RAPGEF3: variants seen among roughly 807,000 people sequenced by gnomAD.
The protein encoded by RAPGEF3 is 9330170P05Rik.
A neutral mutation model predicts 129.8 loss-of-function variants in RAPGEF3; 103 were observed. The ratio of observed to expected loss-of-function variants is 0.79; its 90% CI spans 0.68 to 0.93. RAPGEF3 has a LOEUF of 0.93. Ranked by LOEUF, RAPGEF3 falls within the 40% of genes least tolerant of loss-of-function variation. The pLI, the probability that RAPGEF3 is intolerant of heterozygous loss-of-function variation, is 0.00. For synonymous variants in RAPGEF3, 436 were observed against 482.6 expected (o/e 0.90, Z 1.26); for missense variants, 1,117 against 1,207.4 (o/e 0.93, Z 1.11).
At chr12:47,751,893 C>T (rs770332444) in intron 3 of RAPGEF3, 23 bp downstream of exon 3, 2 of 1,614,018 alleles carry the variant, frequency 1.2e-6, no homozygotes, top group African/African-American at 2.7e-5. Flanking sequence ...CCTGTCCCAG[C>T]TCCACCCTGC....
chr12:47,740,010 G>T (rs1413124509), intron 23 of RAPGEF3, 131 bp downstream of exon 23: 2 of 1,187,560 alleles, frequency 1.7e-6, no homozygotes, highest in Non-Finnish European at 1.2e-6. Context: ...CTGGGCCGAG[G>T]TTGGGAACCC....
At chr12:47,739,341 A>G (rs1363838541) in intron 23 of RAPGEF3, 111 bp from the exon 24 acceptor site, 2 of 837,578 alleles carry the variant, frequency 2.4e-6, no homozygotes, top group South Asian at 1.4e-5. Context: ...AGAGGCCCCA[A>G]CTCAGCCTCT....
At chr12:47,738,999 AT>A in intron 24 of RAPGEF3, 143 bp downstream of exon 24, 1 of 759,072 alleles carries the variant, frequency 1.3e-6, no homozygotes. Context: ...TCCCTGAGGC[AT>A]CAGCACTTGA....
At chr12:47,737,782 C>T in intron 27 of RAPGEF3, 97 bp from the exon 28 acceptor site, 1 of 1,216,540 alleles carries the variant, frequency 8.2e-7, no homozygotes, top group Admixed American at 1.9e-5. Context: ...TTCTTGCCCT[C>T]CACCACCCAC....
chr12:47,747,051 G>T lies in RAPGEF3; in HGVS notation c.1557-152C>A, dbSNP rs868792169. ...GTATCACATAAAGAGGGGAGAACAC[G>T]GTCTTGAAACCAGGCCCCCAGACTT... On this transcript the variant is annotated intron_variant, in intron 15 of 27. Coordinates refer to ENST00000449771, the MANE Select transcript of RAPGEF3 (RefSeq NM_001098531.4). 1.2e-5 allele frequency: 9 copies of T among 759,254 alleles called. No individual in the cohort carries two copies. The African/African-American group carries it at 1.6e-4, about 14-fold the overall frequency. The allele number at this position is 759,254 out of a possible 1,614,324, so 47.0% of individuals were successfully genotyped here.
At chr12:47,740,582 C>G in intron 21 of RAPGEF3, 60 bp downstream of exon 21, 2 of 1,558,590 alleles carry the variant, frequency 1.3e-6, no homozygotes, top group Non-Finnish European at 1.7e-6. Context: ...AAGAGGGGGG[C>G]TTAGGAAAAG....
At chr12:47,743,905 A>C in intron 17 of RAPGEF3, 82 bp downstream of exon 17, 1 of 1,474,340 alleles carries the variant, frequency 6.8e-7, no homozygotes, top group Non-Finnish European at 9.4e-7. Flanking sequence ...ACCGAGGTCA[A>C]GAGTGACGAC....
intron 6 of RAPGEF3, 135 bp from the exon 7 acceptor site, chr12:47,750,560 T>C: frequency 1.4e-6 from 1 of 729,776 alleles, no homozygotes; most frequent in Non-Finnish European, 2.3e-6. Context: ...CAGCTAACCT[T>C]TACTGAGTGC....
intron 16 of RAPGEF3, chr12:47,744,818 A>C (rs1309114128): frequency 6.6e-6 from 1 of 152,222 alleles, no homozygotes; most frequent in African/African-American, 2.4e-5. Context: ...GCTCTTCCCT[A>C]CATTTCCAAA....
intron 2 of RAPGEF3, among the ~76,000 whole-genome samples, chr12:47,756,934 A>C (rs944322784): frequency 1.3e-5 from 2 of 150,986 alleles, no homozygotes; most frequent in Non-Finnish European, 2.9e-5. Flanking sequence ...GCTTCACTGC[A>C]CTCCAGCCTG....
intron 2 of RAPGEF3, chr12:47,752,864 G>A (rs991860514): frequency 6.6e-5 from 10 of 152,152 alleles, no homozygotes; most frequent in African/African-American, 2.4e-4. Context: ...TCAGGAAGAC[G>A]CACTTTATCA....
chr12:47,740,372 T>C lies in RAPGEF3; in HGVS notation c.2255A>G (p.Asn752Ser), dbSNP rs1160435959. ...GCCAAACATGACGGCAAAGAAGGAA[T>C]TGAGATTCTTCTGCTCCTTGAGGCT... is the stretch of plus-strand genomic sequence containing the variant. ...AAHLKEQKNLNSFFAVMFGLS... is the reference protein window; with the variant it reads ...AAHLKEQKNLSSFFAVMFGLS... The change falls in exon 22 of 28, where the codon AAT (asparagine) becomes AGT (serine). Residue 752 changes from asparagine (N) to serine (S), a missense_variant. Asn to Ser is a conservative substitution (Grantham distance 46, BLOSUM62 1). Coordinates refer to ENST00000449771, the MANE Select transcript of RAPGEF3 (RefSeq NM_001098531.4). 13 of 1,613,862 alleles carry C rather than the reference T, an allele frequency of 8.1e-6. No homozygotes were observed. Among genetic ancestry groups the C allele is most frequent in the Non-Finnish European group, 1.1e-5 (13 of 1,179,960 alleles).
intron 16 of RAPGEF3, 133 bp downstream of exon 16, chr12:47,746,727 C>A: frequency 9.3e-7 from 1 of 1,069,874 alleles, no homozygotes. Context: ...CCGTGAACAC[C>A]TATCAGAGAC....
chr12:47,742,476 C>T (rs751468891), intron 18 of RAPGEF3, among the ~76,000 whole-genome samples: 8 of 152,172 alleles, frequency 5.3e-5, no homozygotes, highest in Non-Finnish European at 1.2e-4. Context: ...AGGGAGAAGG[C>T]TTTTCTTTTC....
intron 10 of RAPGEF3, 63 bp from the exon 11 acceptor site, chr12:47,748,994 A>AG: frequency 7.5e-7 from 1 of 1,325,688 alleles, no homozygotes; most frequent in Non-Finnish European, 1.1e-6. Context: ...CCTCTCATCT[A>AG]CCTCCTTCAT....
rs979704186 is a variant in RAPGEF3, at chr12:47,735,050, G to C, written c.*2517C>G. 6.6e-5 allele frequency: 10 copies of C among 152,534 alleles called. No individual in the cohort carries two copies. Among genetic ancestry groups the C allele is most frequent in the African/African-American group, 2.4e-4 (10 of 41,452 alleles). The allele number at this position is 152,534 out of a possible 1,614,324, so 9.4% of individuals were successfully genotyped here. A position where few individuals can be genotyped will look rare whatever the true frequency, so the allele number is the denominator to read the frequency against. On this transcript the variant is annotated 3_prime_UTR_variant, in exon 28 of 28. Transcript: ENST00000449771. ...CCTCAGGCCTTCACAGGGAAGTGGA[G>C]GGGAAGGAGGAAAGGAGGGGGGATG...
chr12:47,740,983 C>T lies in RAPGEF3; in HGVS notation c.1981G>A (p.Val661Met). 1 of 1,613,520 alleles carries T rather than the reference C, an allele frequency of 6.2e-7. No individual in the cohort carries two copies. Among genetic ancestry groups the T allele is most frequent in the Non-Finnish European group, 8.5e-7 (1 of 1,179,828 alleles). ...TVGSAEGLDLVSAKDLAGQLT... is the reference protein window; with the variant it reads ...TVGSAEGLDLMSAKDLAGQLT... ...TGGCCTGCCAGGTCCTTGGCACTCA[C>T]CAGGTCCAGCCCCTCAGCAGAGCCC... Residue 661 changes from valine to methionine, a missense_variant, in exon 20 of 28, where the codon GTG becomes ATG. Transcript: ENST00000449771.
rs1392986999 is a variant in RAPGEF3, at chr12:47,758,645, C to T, written c.-89G>A. The T allele has an allele frequency of 1.3e-5, 20 of 1,593,380 alleles. No individual in the cohort carries two copies. Among genetic ancestry groups the T allele is most frequent in the Non-Finnish European group, 1.7e-5 (20 of 1,168,786 alleles). On this transcript the variant is annotated 5_prime_UTR_variant, in exon 1 of 28. Coordinates refer to ENST00000449771, the MANE Select transcript of RAPGEF3 (RefSeq NM_001098531.4). ...CCCCATCAGCTTTGATAAGGGGATC[C>T]GGAGGGTGCCAGTGGGTAAGTCCAG...
intron 2 of RAPGEF3, 56 bp downstream of exon 2, chr12:47,757,810 G>A (rs1007805835): frequency 4.1e-6 from 6 of 1,471,058 alleles, no homozygotes; most frequent in Admixed American, 2.0e-5. Context: ...CATGATCTAG[G>A]CCCCCCTCTA....
Sources: gnomAD v4.1 joint callset for allele counts (sites outside exome capture counted in the v4.1 genomes callset) on GRCh38, gnomAD v4.1.1 for gene constraint, MANE v1.5 for transcripts, NCBI Gene and HGNC (gene_info 2026-07-23, HGNC 2026-07-21) for gene names.